Variants in SLC2A13 observed in about 807,000 individuals in gnomAD.
The protein encoded by SLC2A13 is solute carrier family 2 member 13, also known as proton myo-inositol cotransporter.
A neutral mutation model predicts 64.4 loss-of-function variants in SLC2A13; 32 were observed. That is an observed-to-expected ratio of 0.50 (90% CI 0.37 to 0.67). The LOEUF (loss-of-function observed/expected upper bound fraction) is 0.67. Among genes scored for constraint, SLC2A13 ranks in the 30% least tolerant of loss-of-function variants. SLC2A13 has a pLI of 0.00. For synonymous variants in SLC2A13, 338 were observed against 327.1 expected (o/e 1.03, Z -0.36); for missense variants, 743 against 829.2 (o/e 0.90, Z 1.28).
At chr12:39,958,314 G>A (rs1398188417) in intron 3 of SLC2A13, among the ~76,000 whole-genome samples, 2 of 152,114 alleles carry the variant, frequency 1.3e-5, no homozygotes, top group South Asian at 2.1e-4. Context: ...GACAGTGCAC[G>A]GCTGTGGAAA....
chr12:39,887,184 TA>T (rs773237071), intron 4 of SLC2A13, among the ~76,000 whole-genome samples: 1 of 152,240 alleles, frequency 6.6e-6, no homozygotes, highest in Non-Finnish European at 1.5e-5. Flanking sequence ...TCATTTTTGA[TA>T]AAGTCTTTTG....
At chr12:40,088,440 CTTT>C (rs140320887) in intron 1 of SLC2A13, among the ~76,000 whole-genome samples, 1 of 151,866 alleles carries the variant, frequency 6.6e-6, no homozygotes, top group Non-Finnish European at 1.5e-5. Context: ...TTCAAAAGAC[CTTT>C]TTTTTACTTT....
intron 4 of SLC2A13, among the ~76,000 whole-genome samples, chr12:39,910,912 G>T (rs531272744): frequency 6.6e-6 from 1 of 151,880 alleles, no homozygotes; most frequent in East Asian, 1.9e-4. Flanking sequence ...GTGAAACCCC[G>T]TCTCTACTAA....
intron 6 of SLC2A13, among the ~76,000 whole-genome samples, chr12:39,858,658 G>A (rs575989725): frequency 6.6e-6 from 1 of 152,166 alleles, no homozygotes; most frequent in Non-Finnish European, 1.5e-5. Context: ...CTGGGCTGGA[G>A]TGCAATGGCA....
chr12:39,940,449 A>G (rs971490667), intron 4 of SLC2A13, among the ~76,000 whole-genome samples: 65 of 152,198 alleles, frequency 4.3e-4, no homozygotes, highest in African/African-American at 1.5e-3. Context: ...TTGAGGATAG[A>G]ATATGAGAAT....
intron 4 of SLC2A13, among the ~76,000 whole-genome samples, chr12:39,925,500 T>C (rs759821642): frequency 5.9e-5 from 9 of 152,192 alleles, no homozygotes; most frequent in Non-Finnish European, 1.0e-4. Context: ...ACTTCAGTTA[T>C]TCAGTTGTGC....
At chr12:40,101,694 T>C (rs1939154176) in intron 1 of SLC2A13, among the ~76,000 whole-genome samples, 1 of 152,198 alleles carries the variant, frequency 6.6e-6, no homozygotes, top group South Asian at 2.1e-4. Flanking sequence ...TCCAGTCTCA[T>C]GACCACCTCA....
intron 4 of SLC2A13, among the ~76,000 whole-genome samples, chr12:39,924,640 A>G (rs913381832): frequency 5.9e-5 from 9 of 152,102 alleles, no homozygotes; most frequent in Admixed American, 5.2e-4. Flanking sequence ...GTATAGAAGT[A>G]TTTGCTTGAA....
At chr12:39,871,691 C>A in intron 5 of SLC2A13, 107 bp downstream of exon 5, 1 of 1,130,142 alleles carries the variant, frequency 8.8e-7, no homozygotes, top group Non-Finnish European at 1.2e-6. Flanking sequence ...TGTTGTTTGG[C>A]TGAGAAACCA....
intron 7 of SLC2A13, among the ~76,000 whole-genome samples, chr12:39,769,438 G>T (rs1321258189): frequency 2.6e-5 from 4 of 152,066 alleles, no homozygotes; most frequent in African/African-American, 7.2e-5. Flanking sequence ...TCTTTTAAAA[G>T]AATTGAAGAT....
intron 3 of SLC2A13, among the ~76,000 whole-genome samples, chr12:40,015,312 T>A (rs1050838019): frequency 1.1e-4 from 17 of 152,162 alleles, no homozygotes; most frequent in African/African-American, 4.1e-4. Flanking sequence ...AAAAAGCACC[T>A]TTCTAAAAGT....
At chr12:39,867,132 T>C (rs1206962888) in intron 5 of SLC2A13, among the ~76,000 whole-genome samples, 1 of 152,128 alleles carries the variant, frequency 6.6e-6, no homozygotes, top group Admixed American at 6.5e-5. Flanking sequence ...AAACGAACCA[T>C]GAGATTTACT....
At chr12:39,866,522 T>A (rs1943914900) in intron 5 of SLC2A13, among the ~76,000 whole-genome samples, 2 of 152,116 alleles carry the variant, frequency 1.3e-5, no homozygotes, top group Non-Finnish European at 2.9e-5. Context: ...GCTGTCGCCC[T>A]GGTTGGAGTG....
intron 4 of SLC2A13, among the ~76,000 whole-genome samples, chr12:39,933,507 A>G (rs1436435298): frequency 1.3e-5 from 2 of 152,204 alleles, no homozygotes; most frequent in Non-Finnish European, 2.9e-5. Context: ...TTGGTGTCTC[A>G]GTAATTTTTT....
chr12:39,833,065 GA>G (rs1379245892), intron 6 of SLC2A13, among the ~76,000 whole-genome samples: 3 of 151,924 alleles, frequency 2.0e-5, no homozygotes, highest in Admixed American at 6.6e-5. Context: ...CCACATCCTG[GA>G]AATTATTATC....
intron 9 of SLC2A13, among the ~76,000 whole-genome samples, chr12:39,761,716 T>G (rs1272161703): frequency 6.6e-6 from 1 of 151,962 alleles, no homozygotes; most frequent in Admixed American, 6.6e-5. Flanking sequence ...ATGGAATCTT[T>G]AGCAGGGAGG....
chr12:39,879,741 G>A (rs906624553), intron 4 of SLC2A13, among the ~76,000 whole-genome samples: 2 of 152,142 alleles, frequency 1.3e-5, no homozygotes, highest in African/African-American at 4.8e-5. Context: ...TCTCAGATGA[G>A]ATCTTGAACT....
At chr12:39,940,142 C>G (rs1362640019) in intron 4 of SLC2A13, among the ~76,000 whole-genome samples, 1 of 152,100 alleles carries the variant, frequency 6.6e-6, no homozygotes, top group Non-Finnish European at 1.5e-5. Context: ...GGAAATACTT[C>G]GATGAGTAAA....
chr12:39,815,340 T>C (rs916597782), intron 7 of SLC2A13, among the ~76,000 whole-genome samples: 1 of 152,234 alleles, frequency 6.6e-6, no homozygotes, highest in African/African-American at 2.4e-5. Flanking sequence ...TTGTTAACTA[T>C]TGTCATTTCT....
Sources: allele counts gnomAD v4.1 joint callset (sites outside exome capture counted in the v4.1 genomes callset), GRCh38; gene constraint gnomAD v4.1.1; transcripts MANE v1.5; gene names NCBI Gene and HGNC (gene_info 2026-07-23, HGNC 2026-07-21).